FCHO1: variants seen among roughly 807,000 people sequenced by gnomAD.
The protein encoded by FCHO1 is FCH and mu domain containing endocytic adaptor 1.
A neutral mutation model predicts 114.4 loss-of-function variants in FCHO1; 45 were observed. The observed-to-expected ratio is 0.39, with a 90% confidence interval of 0.31 to 0.50. The LOEUF is 0.50. FCHO1 is among the 20% of genes least tolerant of loss of function. The pLI is 0.77. For synonymous variants in FCHO1, 480 were observed against 488.9 expected (o/e 0.98, Z 0.24); for missense variants, 1,042 against 1,209.6 (o/e 0.86, Z 2.06).
chr19:17,785,313 G>A (rs377284541), intron 26 of FCHO1, among the ~76,000 whole-genome samples: 3 of 152,114 alleles, frequency 2.0e-5, no homozygotes, highest in East Asian at 3.9e-4. Flanking sequence ...TCCGCCTCCC[G>A]GGTTCAAGCG....
chr19:17,773,072 A>G (rs541467033), intron 11 of FCHO1, among the ~76,000 whole-genome samples: 1 of 152,344 alleles, frequency 6.6e-6, no homozygotes, highest in East Asian at 1.9e-4. Context: ...CTTGAATGCC[A>G]GGCTTGGCTG....
intron 2 of FCHO1, 55 bp from the exon 3 acceptor site, chr19:17,754,537 C>T (rs1452833132): frequency 6.4e-6 from 1 of 155,310 alleles, no homozygotes; most frequent in Non-Finnish European, 1.4e-5. Flanking sequence ...CCCCAACCCC[C>T]ATGTGGCTGA....
intron 7 of FCHO1, 128 bp from the exon 8 acceptor site, chr19:17,770,293 CTCTG>C: frequency 1.2e-6 from 1 of 867,306 alleles, no homozygotes; most frequent in Non-Finnish European, 1.7e-6. Context: ...AAGAGCGAAA[CTCTG>C]TCTAAAAAAA....
chr19:17,785,054 C>T (rs1040088374), intron 26 of FCHO1, 130 bp downstream of exon 26: 6 of 875,240 alleles, frequency 6.9e-6, no homozygotes, highest in African/African-American at 6.6e-5. Flanking sequence ...CTGCTTAGCA[C>T]TAAGGGTGAT....
chr19:17,772,174 T>TTGTG (rs10537480), intron 9 of FCHO1, among the ~76,000 whole-genome samples: 2 of 150,932 alleles, frequency 1.3e-5, no homozygotes, highest in Admixed American at 6.6e-5. Flanking sequence ...AGACATCCCC[T>TTGTG]TGTGTGTGTG....
chr19:17,761,235 G>A (rs561656891), intron 4 of FCHO1, among the ~76,000 whole-genome samples: 87 of 152,156 alleles, frequency 5.7e-4, no homozygotes, highest in African/African-American at 2.1e-3. Context: ...ACTCAAACCT[G>A]GACCCTAATT....
chr19:17,770,481 C>T lies in FCHO1; in HGVS notation c.393C>T (p.Ser131=), dbSNP rs1461164397. 1 of 1,613,876 alleles carries T rather than the reference C, an allele frequency of 6.2e-7. No homozygotes were observed. Among genetic ancestry groups the T allele is most frequent in the East Asian group, 2.2e-5 (1 of 44,884 alleles). ...LDAVQVLSGV[S]QLLPKSRENY... ...CTGTGCAGGTACTCTCGGGCGTCAG[C>T]CAGCTCCTGCCCAAGTCCCGCGAGA... The change falls in exon 8 of 29, where the codon AGC becomes AGT. Residue 131 remains serine (S), a synonymous_variant. Transcript: ENST00000596536.
At chr19:17,777,668 C>A (rs2092818391) in intron 18 of FCHO1, among the ~76,000 whole-genome samples, 1 of 151,960 alleles carries the variant, frequency 6.6e-6, no homozygotes, top group Non-Finnish European at 1.5e-5. Context: ...GGGTTGGGAA[C>A]CTCCCTGAGG....
chr19:17,776,307 C>T lies in FCHO1; in HGVS notation c.1207+36C>T, dbSNP rs752929058. The T allele has an allele frequency of 2.1e-5, 34 of 1,613,596 alleles. No homozygotes were observed. In the South Asian group the frequency reaches 3.5e-4, roughly 17 times the overall value. On this transcript the variant is annotated intron_variant, in intron 17 of 28. Coordinates refer to ENST00000596536, the MANE Select transcript of FCHO1 (RefSeq NM_015122.3). The surrounding 1 kb of genome is among the most constrained non-coding windows in gnomAD (Gnocchi z 4.4). Reference sequence around the variant, plus strand: ...TTTGGTCTTCAGAGTGGGGAGGATCCTAAGGAAGGGAGGCTATGGGTTTGG... The same window carrying T: ...TTTGGTCTTCAGAGTGGGGAGGATCTTAAGGAAGGGAGGCTATGGGTTTGG...
At chr19:17,787,531 G>A in intron 27 of FCHO1, 151 bp from the exon 28 acceptor site, 3 of 868,102 alleles carry the variant, frequency 3.5e-6, no homozygotes, top group South Asian at 2.0e-5. Flanking sequence ...AGTGATGCCA[G>A]GAGAGACAGA....
chr19:17,748,889 G>A (rs1044393127), upstream of FCHO1, among the ~76,000 whole-genome samples: 13 of 152,188 alleles, frequency 8.5e-5, no homozygotes, highest in African/African-American at 2.9e-4. Flanking sequence ...TTAACATGTG[G>A]GTGGTTTGGG....
At chr19:17,758,099 C>G (rs2146401738) in intron 4 of FCHO1, among the ~76,000 whole-genome samples, 1 of 151,978 alleles carries the variant, frequency 6.6e-6, no homozygotes, top group African/African-American at 2.4e-5. Context: ...CCTGTAGTCC[C>G]AGCTATTGAG....
At chr19:17,774,175 C>T in intron 11 of FCHO1, 64 bp from the exon 12 acceptor site, 1 of 1,517,270 alleles carries the variant, frequency 6.6e-7, no homozygotes, top group African/African-American at 1.4e-5. Context: ...TCCCAAAGTG[C>T]TGGGATTACA....
chr19:17,766,251 G>T (rs1226963680), intron 6 of FCHO1, among the ~76,000 whole-genome samples: 1 of 145,388 alleles, frequency 6.9e-6, no homozygotes, highest in East Asian at 2.0e-4. Context: ...ATCTCGGCTC[G>T]CTGCAAGCTC....
chr19:17,760,405 AG>A, intron 4 of FCHO1, among the ~76,000 whole-genome samples: 1 of 152,060 alleles, frequency 6.6e-6, no homozygotes, highest in Non-Finnish European at 1.5e-5. Context: ...TGCCCTTCCC[AG>A]GTGACAGAAT....
chr19:17,784,033 T>G lies in FCHO1; in HGVS notation c.2094-70T>G. The G allele has an allele frequency of 1.3e-6, 2 of 1,549,102 alleles. No individual in the cohort carries two copies. The highest frequency in any genetic ancestry group is 1.2e-5 in the South Asian group (1 of 84,330). ...AGGAAATTGCATCTTTAGGAAGGGG[T>G]AGATTGAATGCTGGGAGCCCTGGGA... On this transcript the variant is annotated intron_variant, in intron 24 of 28. Transcript: ENST00000596536. This position sits in a 1 kb window ranked among gnomAD's most constrained non-coding sequence, Gnocchi z 5.3.
In FCHO1 at chr19:17,775,574, A is replaced by G. The variant is rs1003295622; in HGVS notation, c.1003+61A>G. The G allele has an allele frequency of 2.1e-6, 3 of 1,450,122 alleles. No homozygotes were observed. The African/African-American group carries it at 4.2e-5, about 20-fold the overall frequency. The allele number at this position is 1,450,122 out of a possible 1,614,324, so 89.8% of individuals were successfully genotyped here. The stretch of plus-strand genomic sequence containing the variant: ...CACAGCAAGGACAAAATTCTCCGTA[A>G]TAACCAGTCCACCTTCAGCAGTCCT... On this transcript the variant is annotated intron_variant, in intron 15 of 28. Coordinates refer to ENST00000596536, the MANE Select transcript of FCHO1 (RefSeq NM_015122.3). The surrounding 1 kb of genome is among the most constrained non-coding windows in gnomAD (Gnocchi z 5.1).
At chr19:17,762,068 C>T (rs1338108341) in intron 4 of FCHO1, among the ~76,000 whole-genome samples, 2 of 151,718 alleles carry the variant, frequency 1.3e-5, no homozygotes, top group African/African-American at 4.8e-5. Context: ...TCACTGCAAC[C>T]TCTGCCTCCT....
upstream of FCHO1, among the ~76,000 whole-genome samples, chr19:17,748,988 A>G (rs1238618156): frequency 6.6e-6 from 1 of 152,144 alleles, no homozygotes; most frequent in Admixed American, 6.6e-5. Flanking sequence ...TGGGTTGATG[A>G]TGACACTCTG....
Sources: gnomAD v4.1 joint callset for allele counts (sites outside exome capture counted in the v4.1 genomes callset) on GRCh38, gnomAD v4.1.1 for gene constraint, Gnocchi (gnomAD v3.1) non-coding constraint, MANE v1.5 for transcripts, NCBI Gene and HGNC (gene_info 2026-07-23, HGNC 2026-07-21) for gene names.